The following PRSS23 variants were observed in gnomAD, a reference collection of about 807,000 sequenced individuals.
PRSS23 encodes protease, serine 23.
In PRSS23, 25 loss-of-function variants were observed where a neutral mutation model predicts 34.7. The observed-to-expected ratio is 0.72, with a 90% confidence interval of 0.53 to 1.01. The LOEUF is 1.01. PRSS23 is among the 50% of genes least tolerant of loss of function. PRSS23 has a pLI of 0.00. For synonymous variants in PRSS23, 176 were observed against 186.6 expected, an observed-to-expected ratio of 0.94 and a Z score of 0.46; for missense variants, 445 against 475.6, an observed-to-expected ratio of 0.94 and a Z score of 0.60.
At chr11:86,942,851 G>A (rs761801588) in intron 2 of PRSS23, among the ~76,000 whole-genome samples, 10 of 152,152 alleles carry the variant, frequency 6.6e-5, no homozygotes, top group Non-Finnish European at 1.2e-4. Flanking sequence ...CCAGTCCTAC[G>A]GTACCAGCTT....
chr11:86,833,345 C>T (rs965403504), intron 2 of PRSS23: 3 of 944,222 alleles, frequency 3.2e-6, no homozygotes, highest in Admixed American at 3.5e-5. Context: ...TTCTCCAGCA[C>T]CATGACTAGG....
chr11:86,885,226 A>G (rs553690308), intron 2 of PRSS23, among the ~76,000 whole-genome samples: 10 of 152,330 alleles, frequency 6.6e-5, no homozygotes, highest in African/African-American at 2.2e-4. Flanking sequence ...TGATTTAACT[A>G]TATCATCCCA....
At chr11:86,919,997 A>G (rs532614508) in intron 2 of PRSS23, among the ~76,000 whole-genome samples, 1 of 152,232 alleles carries the variant, frequency 6.6e-6, no homozygotes, top group Admixed American at 6.5e-5. Context: ...ATCAAACTAC[A>G]AGTAGACTGC....
intron 2 of PRSS23, among the ~76,000 whole-genome samples, chr11:86,941,731 G>T (rs540913192): frequency 6.6e-6 from 1 of 152,304 alleles, no homozygotes; most frequent in Non-Finnish European, 1.5e-5. Context: ...CAGTGGGGTA[G>T]TCGATCATTC....
intron 2 of PRSS23, chr11:86,949,428 A>AG (rs1949271326): frequency 2.0e-5 from 3 of 152,120 alleles, no homozygotes; most frequent in Admixed American, 2.0e-4. Flanking sequence ...AAGAAAAAAA[A>AG]AAGCTTCCCT....
intron 2 of PRSS23, among the ~76,000 whole-genome samples, chr11:86,899,815 C>T (rs1457021933): frequency 2.0e-5 from 3 of 148,638 alleles, no homozygotes; most frequent in Admixed American, 2.0e-4. Context: ...CAAGTCCGGC[C>T]GCGAGACCCC....
intron 2 of PRSS23, among the ~76,000 whole-genome samples, chr11:86,919,050 C>A (rs1949031584): frequency 6.6e-6 from 1 of 152,154 alleles, no homozygotes; most frequent in African/African-American, 2.4e-5. Flanking sequence ...TATGACTCCT[C>A]CACTGCCTCG....
intron 2 of PRSS23, among the ~76,000 whole-genome samples, chr11:86,939,403 A>AAAATATATAT (rs60997928): frequency 1.2e-5 from 1 of 80,536 alleles, no homozygotes; most frequent in African/African-American, 3.6e-5. Context: ...TAAAAAAAAA[A>AAAATATATAT]ATATATATAT....
At chr11:86,843,966 A>G (rs1194480461) in intron 2 of PRSS23, among the ~76,000 whole-genome samples, 11 of 152,204 alleles carry the variant, frequency 7.2e-5, no homozygotes, top group Admixed American at 7.2e-4. Flanking sequence ...CATGCCCACG[A>G]ATGTTTATTG....
At chr11:86,914,318 G>T (rs754595575) in intron 2 of PRSS23, among the ~76,000 whole-genome samples, 70 of 152,270 alleles carry the variant, frequency 4.6e-4, no homozygotes, top group East Asian at 7.7e-4. Context: ...GTAAGCTGAG[G>T]TCCAAAAAAC....
At chr11:86,879,888 G>A (rs1173584197) in intron 2 of PRSS23, among the ~76,000 whole-genome samples, 17 of 145,068 alleles carry the variant, frequency 1.2e-4, no homozygotes, top group African/African-American at 3.4e-4. Flanking sequence ...CTGCCCGGCC[G>A]CCCCTACTGG....
intron 2 of PRSS23, among the ~76,000 whole-genome samples, chr11:86,842,650 A>C (rs1277883316): frequency 6.6e-6 from 1 of 152,156 alleles, no homozygotes; most frequent in Non-Finnish European, 1.5e-5. Flanking sequence ...GAGCTAAATC[A>C]TAAGTGAACT....
At chr11:86,848,681 T>A (rs1948506324) in intron 2 of PRSS23, among the ~76,000 whole-genome samples, 1 of 152,122 alleles carries the variant, frequency 6.6e-6, no homozygotes, top group African/African-American at 2.4e-5. Context: ...AGGAGAAAAC[T>A]CCAAAGGTCT....
At chr11:86,867,119 C>T (rs146896529) in intron 2 of PRSS23, among the ~76,000 whole-genome samples, 90 of 152,282 alleles carry the variant, frequency 5.9e-4, no homozygotes, top group African/African-American at 7.9e-4. Flanking sequence ...GCTTCATCCC[C>T]GAGCAGAAAT....
At chr11:86,929,315 T>A (rs1315544163) in intron 2 of PRSS23, among the ~76,000 whole-genome samples, 36 of 120,734 alleles carry the variant, frequency 3.0e-4, no homozygotes, top group African/African-American at 9.6e-4. Flanking sequence ...ACAGCGAAAC[T>A]CCGTCTCAAA....
At chr11:86,827,592 T>C (rs1420453058) in intron 2 of PRSS23, among the ~76,000 whole-genome samples, 2 of 152,202 alleles carry the variant, frequency 1.3e-5, no homozygotes, top group Non-Finnish European at 2.9e-5. Flanking sequence ...TGTTCGGGTG[T>C]CAATTTTGGA....
Position 86,808,697 on chromosome 11 carries a change from C to T in PRSS23, c.1054C>T (p.Pro352Ser). The change falls in exon 2 of 2, where the codon CCA becomes TCA. Residue 352 changes from proline (P) to serine (S), a missense_variant. Physicochemically the swap from Pro to Ser is moderately conservative, Grantham distance 74. Coordinates refer to ENST00000280258, the MANE Select transcript of PRSS23 (RefSeq NM_007173.6). The part of the protein sequence containing the change: ...GHQWVDMNGS[P>S]QDFNVAVRIT... ...CCAGTGGGTGGACATGAATGGTTCCCCACAGGATTTCAACGTGGCTGTCAG... is the reference window on the plus strand; with the variant it reads ...CCAGTGGGTGGACATGAATGGTTCCTCACAGGATTTCAACGTGGCTGTCAG... The T allele has an allele frequency of 1.2e-6, 2 of 1,614,092 alleles. No individual in the cohort carries two copies. Among genetic ancestry groups the T allele is most frequent in the Non-Finnish European group, 1.7e-6 (2 of 1,180,024 alleles).
chr11:86,920,879 A>G (rs919796182), intron 2 of PRSS23, among the ~76,000 whole-genome samples: 4 of 152,108 alleles, frequency 2.6e-5, no homozygotes, highest in Admixed American at 6.5e-5. Context: ...ACCATACTCA[A>G]TGATCCTTCG....
chr11:86,951,468 A>C (rs1278083985), exon 3 of PRSS23: 2 of 1,614,062 alleles, frequency 1.2e-6, no homozygotes, highest in South Asian at 2.2e-5. Context: ...AGTCTTTCTA[A>C]CTTGTCTGTC....
Sources: gnomAD v4.1 joint callset for allele counts (sites outside exome capture counted in the v4.1 genomes callset) on GRCh38, gnomAD v4.1.1 for gene constraint, MANE v1.5 for transcripts, NCBI Gene and HGNC (gene_info 2026-07-23, HGNC 2026-07-21) for gene names.